FBXO11: variants seen among roughly 807,000 people sequenced by gnomAD.
The protein encoded by FBXO11 is F-box only protein 11.
FBXO11 carries 13 observed loss-of-function variants against 117.0 expected under a neutral mutation model. That is an observed-to-expected ratio of 0.11 (90% CI 0.07 to 0.18). FBXO11 has a LOEUF of 0.18. FBXO11 is among the 10% of genes least tolerant of loss of function. The pLI is 1.00. For missense variants in FBXO11, 767 were observed against 1,164.4 expected (o/e 0.66, Z 4.97); for synonymous variants, 490 against 380.5 (o/e 1.29, Z -3.35).
chr2:47,816,917 A>T (rs1671043666), intron 16 of FBXO11, among the ~76,000 whole-genome samples: 1 of 152,182 alleles, frequency 6.6e-6, no homozygotes, highest in Non-Finnish European at 1.5e-5. Context: ...GGTTTTCATA[A>T]TGGTAAATGA....
chr2:47,893,676 T>C (rs1256750778), intron 1 of FBXO11, among the ~76,000 whole-genome samples: 2 of 152,218 alleles, frequency 1.3e-5, no homozygotes, highest in East Asian at 3.8e-4. Flanking sequence ...AATTCAAACC[T>C]TGCTGATTTA....
chr2:47,900,926 G>GT (rs1454338788), intron 1 of FBXO11, among the ~76,000 whole-genome samples: 1 of 138,404 alleles, frequency 7.2e-6, no homozygotes, highest in Non-Finnish European at 1.6e-5. Context: ...ATATATACAC[G>GT]TATTTATGGA....
At chr2:47,888,755 AACCAC>A (rs1236716681) in intron 1 of FBXO11, 1 of 575,358 alleles carries the variant, frequency 1.7e-6, no homozygotes, top group Non-Finnish European at 2.2e-6. Flanking sequence ...CAAGCACCCA[AACCAC>A]ACACACTTCA....
chr2:47,826,526 T>C (rs757777930), intron 11 of FBXO11, among the ~76,000 whole-genome samples: 4 of 152,210 alleles, frequency 2.6e-5, no homozygotes, highest in African/African-American at 4.8e-5. Flanking sequence ...CACTGACTTC[T>C]ATTATGGGAC....
chr2:47,900,705 T>C (rs1199622565), intron 1 of FBXO11, among the ~76,000 whole-genome samples: 1 of 95,130 alleles, frequency 1.1e-5, no homozygotes, highest in South Asian at 3.0e-4. Context: ...TACACACACG[T>C]GTATATATAT....
chr2:47,880,812 TTTCTC>T (rs2103900462), intron 1 of FBXO11, among the ~76,000 whole-genome samples: 1 of 152,336 alleles, frequency 6.6e-6, no homozygotes, highest in South Asian at 2.1e-4. Context: ...TCTTATACCT[TTTCTC>T]TATCTTTTAA....
intron 11 of FBXO11, among the ~76,000 whole-genome samples, chr2:47,824,332 T>C (rs556217964): frequency 4.6e-5 from 7 of 152,102 alleles, no homozygotes; most frequent in African/African-American, 1.7e-4. Flanking sequence ...CAGAAAAAGT[T>C]AAAAACAAAA....
In FBXO11 at chr2:47,819,791, G is replaced by A. The variant is rs549657170; in HGVS notation, c.1797+571C>T. 2.0e-5 allele frequency among the ~76,000 whole-genome samples: 3 copies of A among 152,236 alleles called. No individual in the cohort carries two copies. In the South Asian group the frequency reaches 6.2e-4, roughly 32 times the overall value. ...ATTTTTACTTTTAGCAGGTAACTGA[G>A]GACATGTGCATCTCTAGAACCATAA... On this transcript the variant is annotated intron_variant, in intron 14 of 22. Transcript: ENST00000403359.
At chr2:47,873,369 A>T (rs1055835441) in intron 1 of FBXO11, among the ~76,000 whole-genome samples, 2 of 152,244 alleles carry the variant, frequency 1.3e-5, no homozygotes, top group Non-Finnish European at 2.9e-5. Flanking sequence ...AAAGGAAGCT[A>T]AGAAGTCTAA....
chr2:47,858,752 T>A, intron 1 of FBXO11, among the ~76,000 whole-genome samples: 1 of 146,138 alleles, frequency 6.8e-6, no homozygotes, highest in South Asian at 2.2e-4. Flanking sequence ...AACTGACTTA[T>A]CTAGAAAAAG....
intron 11 of FBXO11, among the ~76,000 whole-genome samples, chr2:47,824,149 A>C (rs186361080): frequency 1.3e-5 from 2 of 152,376 alleles, no homozygotes; most frequent in East Asian, 3.9e-4. Context: ...ATCCTTCAAC[A>C]AAAGGTTAAA....
At chr2:47,813,900 A>G (rs1163818651) in intron 16 of FBXO11, 33 bp from the exon 17 acceptor site, 4 of 1,484,226 alleles carry the variant, frequency 2.7e-6, no homozygotes, top group Non-Finnish European at 2.8e-6. Flanking sequence ...TACCATTTCA[A>G]TAGCTTCTAC....
chr2:47,832,744 T>C (rs1672287691), intron 9 of FBXO11, 25 bp downstream of exon 9: 2 of 1,607,692 alleles, frequency 1.2e-6, no homozygotes, highest in Non-Finnish European at 1.7e-6. Flanking sequence ...AAAATTTTAT[T>C]GTAAAATATA....
intron 1 of FBXO11, among the ~76,000 whole-genome samples, chr2:47,880,520 A>T (rs1676358207): frequency 6.6e-6 from 1 of 152,136 alleles, no homozygotes; most frequent in Admixed American, 6.5e-5. Flanking sequence ...GTTTTAATTT[A>T]TAAAATTAAA....
At chr2:47,896,359 A>C (rs555824959) in intron 1 of FBXO11, among the ~76,000 whole-genome samples, 1 of 149,912 alleles carries the variant, frequency 6.7e-6, no homozygotes. Flanking sequence ...CAAGGTCTTA[A>C]AACTCTGTCA....
intron 16 of FBXO11, among the ~76,000 whole-genome samples, chr2:47,815,985 T>C (rs534994209): frequency 8.5e-5 from 13 of 152,332 alleles, no homozygotes; most frequent in African/African-American, 2.9e-4. Context: ...CAGCACCCGA[T>C]GTGTTCACGA....
Position 47,900,891 on chromosome 2 carries a change from T to C in FBXO11, c.232+4598A>G, listed in dbSNP as rs192354032. On this transcript the variant is annotated intron_variant, in intron 1 of 22. Coordinates refer to ENST00000403359, the MANE Select transcript of FBXO11 (RefSeq NM_001190274.2). ...ACACACACGTGTATATATATACACGTATATATACACACATATATATGTATA... is the reference window on the plus strand; with the variant it reads ...ACACACACGTGTATATATATACACGCATATATACACACATATATATGTATA... Among the ~76,000 whole-genome samples the C allele has an allele frequency of 2.1e-5, 3 of 140,634 alleles. 1 individual carries two copies. The highest frequency in any genetic ancestry group is 2.1e-4 in the East Asian group (1 of 4,808). The allele number at this position is 140,634 out of a possible 152,430, so 92.3% of individuals were successfully genotyped here. A position where few individuals can be genotyped will look rare whatever the true frequency, so the allele number is the denominator to read the frequency against.
intron 16 of FBXO11, among the ~76,000 whole-genome samples, chr2:47,815,611 T>G (rs753596149): frequency 6.6e-6 from 1 of 152,174 alleles, no homozygotes; most frequent in Non-Finnish European, 1.5e-5. Flanking sequence ...CACAGGTAAC[T>G]TGTGATCCAA....
intron 1 of FBXO11, among the ~76,000 whole-genome samples, chr2:47,890,344 A>G (rs1365338798): frequency 2.6e-5 from 4 of 152,186 alleles, no homozygotes; most frequent in South Asian, 2.1e-4. Flanking sequence ...TTATCATCCT[A>G]AAGTTGCTGT....
Sources: allele counts gnomAD v4.1 joint callset (sites outside exome capture counted in the v4.1 genomes callset), GRCh38; gene constraint gnomAD v4.1.1; transcripts MANE v1.5; gene names NCBI Gene and HGNC (gene_info 2026-07-23, HGNC 2026-07-21).